The following ARHGEF10L variants were observed in gnomAD, a reference collection of about 807,000 sequenced individuals.
ARHGEF10L encodes the protein Rho guanine nucleotide exchange factor 10 like, also known as rho guanine nucleotide exchange factor 10-like protein.
In ARHGEF10L, 69 loss-of-function variants were observed where a neutral mutation model predicts 141.2. The ratio of observed to expected loss-of-function variants is 0.49; its 90% CI spans 0.40 to 0.60. The LOEUF (loss-of-function observed/expected upper bound fraction) is 0.60, where lower values mean the gene tolerates loss of function less well. ARHGEF10L is among the 20% of genes least tolerant of loss of function. ARHGEF10L has a pLI of 0.00. For synonymous variants in ARHGEF10L, 711 were observed against 718.5 expected (o/e 0.99, Z 0.17); for missense variants, 1,482 against 1,734.3 (o/e 0.85, Z 2.58).
intron 2 of ARHGEF10L, among the ~76,000 whole-genome samples, chr1:17,585,704 T>C (rs1183023913): frequency 6.6e-6 from 1 of 152,214 alleles, no homozygotes; most frequent in Non-Finnish European, 1.5e-5. Context: ...GGGGAGTGAC[T>C]GGATTTTTCT....
At chr1:17,624,314 C>A in intron 12 of ARHGEF10L, 73 bp from the exon 13 acceptor site, 1 of 1,253,060 alleles carries the variant, frequency 8.0e-7, no homozygotes, top group East Asian at 2.3e-5. Context: ...GCCTCCCTGG[C>A]CCACACCTGC....
At chr1:17,567,379 T>C (rs1470090767) in intron 1 of ARHGEF10L, among the ~76,000 whole-genome samples, 2 of 152,192 alleles carry the variant, frequency 1.3e-5, no homozygotes, top group African/African-American at 2.4e-5. Flanking sequence ...GCAGAATTTT[T>C]TTTTTGAGAT....
At position 17,637,919 on chromosome 1, in the gene ARHGEF10L, C is replaced by CCAGGAGCTG. The variant is rs1275057169; in HGVS notation, c.1965_1973dup (p.Glu655_Gln657dup). The CCAGGAGCTG allele has an allele frequency of 1.3e-6, 2 of 1,599,640 alleles. No individual in the cohort carries two copies. The highest frequency in any genetic ancestry group is 1.7e-6 in the Non-Finnish European group (2 of 1,173,132). On this transcript the variant is annotated inframe_insertion, in exon 19 of 29. Transcript: ENST00000361221. ...TGTACCTCGGCCCCCCACGCCTCTT[C>CCAGGAGCTG]CAGGAGCTGCAGGACCTGCAGAAGG...
At position 17,616,197 on chromosome 1, in the gene ARHGEF10L, T is replaced by C. The variant is rs1276064543; in HGVS notation, c.830T>C (p.Val277Ala). 4 of 1,579,624 alleles carry C rather than the reference T, an allele frequency of 2.5e-6. No homozygotes were observed. In the African/African-American group the frequency reaches 4.1e-5, roughly 16 times the overall value. Residue 277 changes from valine to alanine, a missense_variant, in exon 9 of 29, where the codon GTC becomes GCC. Around this residue, in one of 3 missense-constraint regions of ARHGEF10L, gnomAD observed 392 missense variants for 542.1 expected, o/e 0.72. Transcript: ENST00000361221. ...GTCTCCTTCCTGCACAGGAAGGACG[T>C]CCTCGGTGAGGCGCTGCCCGAGCGG... ...RKVSFLHRKDVLGDSEEEDMG... is the reference protein window; with the variant it reads ...RKVSFLHRKDALGDSEEEDMG...
At chr1:17,691,060 C>A in intron 27 of ARHGEF10L, 1 of 441,698 alleles carries the variant, frequency 2.3e-6, no homozygotes, top group Non-Finnish European at 4.5e-6. Flanking sequence ...TTCTTCCACT[C>A]GCATACTCGA....
chr1:17,523,264 T>C, the ARHGEF10L span, among the ~76,000 whole-genome samples: 83,770 of 151,522 alleles, frequency 0.55, 23,762 homozygotes, highest in East Asian at 0.76. Flanking sequence ...AATTTTTGTA[T>C]TCTCAGTAGA....
At chr1:17,680,111 A>G (rs1007633222) in intron 26 of ARHGEF10L, among the ~76,000 whole-genome samples, 8 of 138,416 alleles carry the variant, frequency 5.8e-5, no homozygotes, top group African/African-American at 2.1e-4. Context: ...GCCCCTGCCC[A>G]TCTGGGCCAC....
At chr1:17,587,398 C>T in intron 2 of ARHGEF10L, 62 bp from the exon 3 acceptor site, 1 of 1,532,974 alleles carries the variant, frequency 6.5e-7, no homozygotes, top group Non-Finnish European at 8.8e-7. Context: ...CTACCCCAGC[C>T]ATCTCTCCAT....
chr1:17,659,673 G>A lies in ARHGEF10L; in HGVS notation c.2860+2965G>A, dbSNP rs139994630. On this transcript the variant is annotated intron_variant, in intron 25 of 28. Coordinates refer to ENST00000361221, the MANE Select transcript of ARHGEF10L (RefSeq NM_018125.4). ...GTGAAAATCTAGACCCCTCATCTTCGTCTAGAAGCAGGTACTCCATGAAAT... is the reference window on the plus strand; with the variant it reads ...GTGAAAATCTAGACCCCTCATCTTCATCTAGAAGCAGGTACTCCATGAAAT... Among the ~76,000 whole-genome samples, 536 of 152,294 alleles carry A rather than the reference G, an allele frequency of 3.5e-3. 1 individual carries two copies. The highest frequency in any genetic ancestry group is 5.5e-3 in the Non-Finnish European group (377 of 68,016).
At chr1:17,695,487 A>G (rs1296152838) in intron 28 of ARHGEF10L, among the ~76,000 whole-genome samples, 1 of 152,178 alleles carries the variant, frequency 6.6e-6, no homozygotes, top group African/African-American at 2.4e-5. Context: ...TCAGTTTCCT[A>G]ATCTGGCAGA....
In ARHGEF10L at chr1:17,697,216, T is replaced by G. The variant is rs752578848; in HGVS notation, c.3676T>G (p.Cys1226Gly). 10 of 1,612,140 alleles carry G rather than the reference T, an allele frequency of 6.2e-6. No homozygotes were observed. Among genetic ancestry groups the G allele is most frequent in the Non-Finnish European group, 8.5e-6 (10 of 1,179,566 alleles). Reference sequence around the variant, plus strand: ...CGACATCTGGGTGCGCAGCCGGCCCTGCGCCCGCGACGCCCACCGCAAGGA... The same window carrying G: ...CGACATCTGGGTGCGCAGCCGGCCCGGCGCCCGCGACGCCCACCGCAAGGA... ...DPDIWVRSRP[C>G]ARDAHRKEIC... The change falls in exon 29 of 29, where the codon TGC (cysteine) becomes GGC (glycine). Residue 1226 changes from cysteine (C) to glycine (G), a missense_variant. Physicochemically the swap from Cys to Gly is radical, Grantham distance 159. This residue lies in a region of ARHGEF10L where 858 missense variants were observed against 966.3 expected (regional missense o/e 0.89). Coordinates refer to ENST00000361221, the MANE Select transcript of ARHGEF10L (RefSeq NM_018125.4). The surrounding 1 kb of genome is among the most constrained non-coding windows in gnomAD (Gnocchi z 4.8).
the ARHGEF10L span, among the ~76,000 whole-genome samples, chr1:17,529,379 C>T: frequency 6.6e-6 from 1 of 152,200 alleles, no homozygotes; most frequent in South Asian, 2.1e-4. Flanking sequence ...GGGAAGTTGG[C>T]TTGTCCTTGG....
At chr1:17,650,797 G>C (rs2061876941) in intron 22 of ARHGEF10L, among the ~76,000 whole-genome samples, 1 of 151,658 alleles carries the variant, frequency 6.6e-6, no homozygotes, top group South Asian at 2.1e-4. Flanking sequence ...TCAGGGTCCT[G>C]CTGAGACGTG....
In ARHGEF10L at chr1:17,558,890, G is replaced by A. The variant is rs2077442870; in HGVS notation, c.-44+18940G>A. On this transcript the variant is annotated intron_variant, in intron 1 of 28. Transcript: ENST00000361221. The surrounding 1 kb of genome is among the most constrained non-coding windows in gnomAD (Gnocchi z 4.2). ...GGCTGGGCAGGGAGAATGGTGGGGA[G>A]GGCTGAGGGGCCCTTCCCCAGCTTC... is the stretch of plus-strand genomic sequence containing the variant. 6.6e-6 allele frequency among the ~76,000 whole-genome samples: 1 copy of A among 152,190 alleles called. No individual in the cohort carries two copies. Among genetic ancestry groups the A allele is most frequent in the Non-Finnish European group, 1.5e-5 (1 of 68,042 alleles).
At chr1:17,650,066 G>T (rs935268464) in intron 22 of ARHGEF10L, among the ~76,000 whole-genome samples, 2 of 152,078 alleles carry the variant, frequency 1.3e-5, no homozygotes, top group Non-Finnish European at 2.9e-5. Flanking sequence ...TATATAGTTC[G>T]CATTTTTTGG....
At chr1:17,580,726 C>CT in intron 2 of ARHGEF10L, 94 bp downstream of exon 2, 3 of 1,499,342 alleles carry the variant, frequency 2.0e-6, no homozygotes, top group Non-Finnish European at 1.8e-6. Flanking sequence ...CAGCATGGCG[C>CT]CGGGTGGGAA....
chr1:17,630,027 G>C (rs918790818), intron 15 of ARHGEF10L, among the ~76,000 whole-genome samples: 2 of 152,212 alleles, frequency 1.3e-5, no homozygotes, highest in Non-Finnish European at 2.9e-5. Flanking sequence ...GAGGCTCTAA[G>C]CTTCCATGTC....
chr1:17,696,845 C>T lies in ARHGEF10L; in HGVS notation c.3308-3C>T. 1 of 1,526,826 alleles carries T rather than the reference C, an allele frequency of 6.5e-7. No homozygotes were observed. Among genetic ancestry groups the T allele is most frequent in the Non-Finnish European group, 8.8e-7 (1 of 1,136,134 alleles). The allele number at this position is 1,526,826 out of a possible 1,614,324, so 94.6% of individuals were successfully genotyped here. On this transcript the variant is annotated splice_polypyrimidine_tract_variant and splice_region_variant and intron_variant, in intron 28 of 28. Coordinates refer to ENST00000361221, the MANE Select transcript of ARHGEF10L (RefSeq NM_018125.4). ...CCTTTCTCTCTCGCCCCATTTTCTG[C>T]AGGGAAAGGCATGGTCTCACTCAAC...
chr1:17,524,559 G>A, the ARHGEF10L span, among the ~76,000 whole-genome samples: 4 of 152,096 alleles, frequency 2.6e-5, no homozygotes, highest in Admixed American at 2.0e-4. Context: ...GCAGCAGAGT[G>A]AGACACTGTC....
Sources: gnomAD v4.1 joint callset for allele counts (sites outside exome capture counted in the v4.1 genomes callset) on GRCh38, gnomAD v4.1.1 for gene constraint, gnomAD v4.1.1 regional missense constraint, Gnocchi (gnomAD v3.1) non-coding constraint, MANE v1.5 for transcripts, NCBI Gene and HGNC (gene_info 2026-07-23, HGNC 2026-07-21) for gene names.